SPAG16: variants seen among roughly 807,000 people sequenced by gnomAD.
The protein encoded by SPAG16 is sperm-associated antigen 16 protein.
In SPAG16, 86 loss-of-function variants were observed where a neutral mutation model predicts 80.4. The ratio of observed to expected loss-of-function variants is 1.07; its 90% confidence interval spans 0.90 to 1.28. The LOEUF is 1.28. Ranked by LOEUF, SPAG16 falls within the 50% of genes most tolerant of loss-of-function variation. The pLI, the probability that SPAG16 is intolerant of heterozygous loss-of-function variation, is 0.00. For missense variants in SPAG16, 870 were observed against 765.3 expected, an observed-to-expected ratio of 1.14 and a Z score of -1.61; for synonymous variants, 294 against 265.9, an observed-to-expected ratio of 1.11 and a Z score of -1.03.
At chr2:213,335,863 T>A (rs2064331595) in intron 5 of SPAG16, among the ~76,000 whole-genome samples, 1 of 149,672 alleles carries the variant, frequency 6.7e-6, no homozygotes, top group African/African-American at 2.5e-5. Flanking sequence ...AAAAATAGGG[T>A]GTGCTGGGAG....
At chr2:213,695,437 T>TA (rs1394738174) in intron 10 of SPAG16, among the ~76,000 whole-genome samples, 2 of 152,186 alleles carry the variant, frequency 1.3e-5, no homozygotes, top group East Asian at 3.9e-4. Context: ...AATCACCTAG[T>TA]TTGTGACAGG....
intron 14 of SPAG16, among the ~76,000 whole-genome samples, chr2:214,133,071 A>G (rs1169754091): frequency 2.0e-5 from 3 of 151,518 alleles, no homozygotes; most frequent in Non-Finnish European, 2.9e-5. Context: ...CAGCCTGGGC[A>G]ACAAGAGTGA....
chr2:214,321,770 G>A (rs1364388896), intron 15 of SPAG16, among the ~76,000 whole-genome samples: 1 of 152,116 alleles, frequency 6.6e-6, no homozygotes, highest in Non-Finnish European at 1.5e-5. Context: ...CACTGTAAAT[G>A]AACTCTGTAT....
At chr2:213,370,937 G>A (rs996177788) in intron 8 of SPAG16, among the ~76,000 whole-genome samples, 4 of 152,180 alleles carry the variant, frequency 2.6e-5, no homozygotes, top group Non-Finnish European at 5.9e-5. Context: ...CTAATCAAAA[G>A]TAGTTATTTA....
At position 213,976,254 on chromosome 2, in the gene SPAG16, A is replaced by G. The variant is rs1246676485; in HGVS notation, c.1401-37697A>G. ...TATACACGTGTGTATACATACGTGT[A>G]TATACACACATATACATATGCGTAC... is the stretch of plus-strand genomic sequence containing the variant. On this transcript the variant is annotated intron_variant, in intron 12 of 15. Transcript: ENST00000331683. Among the ~76,000 whole-genome samples, 3 of 150,702 alleles carry G rather than the reference A, an allele frequency of 2.0e-5. No individual in the cohort carries two copies. The East Asian group carries it at 5.9e-4, about 29-fold the overall frequency.
At position 213,813,494 on chromosome 2, in the gene SPAG16, G is replaced by A. The variant is rs1365667697; in HGVS notation, c.1071-48991G>A. Among the ~76,000 whole-genome samples, 3 of 152,246 alleles carry A rather than the reference G, an allele frequency of 2.0e-5. No individual in the cohort carries two copies. In the East Asian group the frequency reaches 5.8e-4, roughly 29 times the overall value. On this transcript the variant is annotated intron_variant, in intron 10 of 15. Coordinates refer to ENST00000331683, the MANE Select transcript of SPAG16 (RefSeq NM_024532.5). ...GACAGGCAAGATACTCCACATGCTT[G>A]TCACACCCACCTCTCATTGAAGCAA...
chr2:213,287,082 T>C (rs2062082706), intron 1 of SPAG16, among the ~76,000 whole-genome samples: 1 of 151,960 alleles, frequency 6.6e-6, no homozygotes, highest in Admixed American at 6.5e-5. Flanking sequence ...GATACAAATA[T>C]ACATTGTTCT....
intron 10 of SPAG16, among the ~76,000 whole-genome samples, chr2:213,763,997 G>T (rs1460293315): frequency 6.6e-6 from 1 of 152,218 alleles, no homozygotes; most frequent in African/African-American, 2.4e-5. Context: ...AAGGGTGGGT[G>T]TGGATTCATT....
chr2:213,985,819 G>C (rs1191246952), intron 12 of SPAG16, among the ~76,000 whole-genome samples: 1 of 152,024 alleles, frequency 6.6e-6, no homozygotes, highest in Non-Finnish European at 1.5e-5. Context: ...AATAGCAGAG[G>C]CTATTGAAGA....
chr2:213,913,776 A>T (rs1027231787), intron 11 of SPAG16, among the ~76,000 whole-genome samples: 3 of 152,140 alleles, frequency 2.0e-5, no homozygotes, highest in African/African-American at 7.2e-5. Context: ...TCTTTGGCTC[A>T]CATGATTGTG....
At chr2:213,392,359 G>C (rs927433333) in intron 9 of SPAG16, among the ~76,000 whole-genome samples, 1 of 152,042 alleles carries the variant, frequency 6.6e-6, no homozygotes, top group Non-Finnish European at 1.5e-5. Flanking sequence ...GAGTGACTCT[G>C]GCATCAACCA....
chr2:213,337,602 C>T (rs973285993), intron 5 of SPAG16, among the ~76,000 whole-genome samples: 43 of 151,710 alleles, frequency 2.8e-4, no homozygotes, highest in African/African-American at 1.0e-3. Context: ...GCCAAAGAGA[C>T]GAAGCAGAAG....
chr2:214,186,969 G>T (rs920720546), intron 15 of SPAG16, among the ~76,000 whole-genome samples: 1 of 152,032 alleles, frequency 6.6e-6, no homozygotes, highest in African/African-American at 2.4e-5. Flanking sequence ...TTGCCATTTT[G>T]GCCAGGCTGG....
chr2:213,342,891 A>G (rs536426478), intron 6 of SPAG16, among the ~76,000 whole-genome samples: 2 of 151,968 alleles, frequency 1.3e-5, no homozygotes, highest in Admixed American at 6.6e-5. Flanking sequence ...TCCTGAAGGT[A>G]CTTTTCAGCC....
chr2:213,845,196 GTTCTT>G (rs1297799608), intron 10 of SPAG16, among the ~76,000 whole-genome samples: 50 of 96,098 alleles, frequency 5.2e-4, no homozygotes, highest in African/African-American at 1.5e-3. Context: ...TATATCTAGT[GTTCTT>G]TTTTTTTTTT....
chr2:214,335,481 T>TAG (rs1491054809), intron 15 of SPAG16, among the ~76,000 whole-genome samples: 3 of 151,348 alleles, frequency 2.0e-5, no homozygotes, highest in Non-Finnish European at 1.5e-5. Context: ...TATATATATA[T>TAG]ATAGATATAT....
At chr2:213,779,705 A>T (rs1053457036) in intron 10 of SPAG16, among the ~76,000 whole-genome samples, 1 of 152,212 alleles carries the variant, frequency 6.6e-6, no homozygotes, top group Non-Finnish European at 1.5e-5. Flanking sequence ...GGCAAGAGGA[A>T]TGGAATTGCT....
At chr2:213,585,968 A>T (rs1187237224) in intron 10 of SPAG16, among the ~76,000 whole-genome samples, 1 of 152,214 alleles carries the variant, frequency 6.6e-6, no homozygotes, top group Non-Finnish European at 1.5e-5. Context: ...CATTTAATCT[A>T]ATCATCTCCA....
intron 14 of SPAG16, among the ~76,000 whole-genome samples, chr2:214,134,294 C>G (rs1263117196): frequency 6.6e-6 from 1 of 152,172 alleles, no homozygotes; most frequent in Non-Finnish European, 1.5e-5. Flanking sequence ...CTGAATCACT[C>G]TTCATTCTCA....
Sources: allele counts gnomAD v4.1 joint callset (sites outside exome capture counted in the v4.1 genomes callset), GRCh38; gene constraint gnomAD v4.1.1; transcripts MANE v1.5; gene names NCBI Gene and HGNC (gene_info 2026-07-23, HGNC 2026-07-21).